Variants in KCND2 observed in about 807,000 individuals in gnomAD.
The protein encoded by KCND2 is A-type voltage-gated potassium channel KCND2.
In KCND2, 16 loss-of-function variants were observed where a neutral mutation model predicts 54.4. That is an observed-to-expected ratio of 0.29 (90% CI 0.20 to 0.45). The LOEUF (loss-of-function observed/expected upper bound fraction) is 0.45, where lower values mean the gene tolerates loss of function less well. Among genes scored for constraint, KCND2 ranks in the 20% least tolerant of loss-of-function variants. The pLI is 1.00. For synonymous variants in KCND2, 317 were observed against 310.7 expected (o/e 1.02, Z -0.21); for missense variants, 486 against 824.2 (o/e 0.59, Z 5.02).
chr7:120,608,163 G>A (rs1369174356), intron 1 of KCND2, among the ~76,000 whole-genome samples: 2 of 151,776 alleles, frequency 1.3e-5, no homozygotes, highest in Non-Finnish European at 2.9e-5. Flanking sequence ...CCAACAACAG[G>A]ATAAATGACA....
At chr7:120,348,900 G>A (rs1800362326) in intron 1 of KCND2, among the ~76,000 whole-genome samples, 1 of 152,050 alleles carries the variant, frequency 6.6e-6, no homozygotes, top group African/African-American at 2.4e-5. Context: ...TTACTCATCA[G>A]CATTTCACTG....
rs564856564 is a variant in KCND2 at position 120,376,410 on chromosome 7, T to C, written c.1115+100663T>C. Among the ~76,000 whole-genome samples, 6 of 151,566 alleles carry C rather than the reference T, an allele frequency of 4.0e-5. No homozygotes were observed. In the South Asian group the frequency reaches 1.0e-3, roughly 26 times the overall value. ...ATAAATTATTTAAAAACCTCAAATATGTTCACTTACTGGTACTTGCTATCT... is the reference window on the plus strand; with the variant it reads ...ATAAATTATTTAAAAACCTCAAATACGTTCACTTACTGGTACTTGCTATCT... On this transcript the variant is annotated intron_variant, in intron 1 of 5. Coordinates refer to ENST00000331113, the MANE Select transcript of KCND2 (RefSeq NM_012281.3).
chr7:120,411,825 G>A (rs1172501022), intron 1 of KCND2, among the ~76,000 whole-genome samples: 1 of 151,916 alleles, frequency 6.6e-6, no homozygotes, highest in African/African-American at 2.4e-5. Flanking sequence ...TATGGAAATA[G>A]TAATCAGTGC....
intron 1 of KCND2, among the ~76,000 whole-genome samples, chr7:120,669,023 GGAT>G (rs1791960749): frequency 6.6e-6 from 1 of 151,974 alleles, no homozygotes; most frequent in African/African-American, 2.4e-5. Flanking sequence ...GTGTATAAAT[GGAT>G]TGATAAAGTT....
intron 1 of KCND2, among the ~76,000 whole-genome samples, chr7:120,488,111 C>G (rs1016613911): frequency 1.1e-4 from 17 of 152,228 alleles, no homozygotes; most frequent in Middle Eastern, 3.4e-3. Flanking sequence ...AGGACAATCT[C>G]TTGAACTAGG....
intron 1 of KCND2, among the ~76,000 whole-genome samples, chr7:120,550,898 A>C (rs1285188840): frequency 1.3e-5 from 2 of 152,208 alleles, no homozygotes; most frequent in Non-Finnish European, 2.9e-5. Flanking sequence ...ACCTCATTTT[A>C]AATGATCAAA....
intron 1 of KCND2, among the ~76,000 whole-genome samples, chr7:120,342,494 T>C (rs1011094987): frequency 2.0e-5 from 3 of 152,190 alleles, no homozygotes; most frequent in Non-Finnish European, 4.4e-5. Context: ...CTGTGTGTTA[T>C]TTCAGTGACT....
At chr7:120,510,800 C>G (rs1803101972) in intron 1 of KCND2, among the ~76,000 whole-genome samples, 1 of 151,934 alleles carries the variant, frequency 6.6e-6, no homozygotes, top group African/African-American at 2.4e-5. Context: ...TCTACTTCAG[C>G]TTTTCTCCTC....
chr7:120,556,838 A>T (rs1304468905), intron 1 of KCND2, among the ~76,000 whole-genome samples: 1 of 152,212 alleles, frequency 6.6e-6, no homozygotes, highest in South Asian at 2.1e-4. Flanking sequence ...GGAATTTGTG[A>T]TGCATTAACA....
At chr7:120,677,581 A>ATG (rs1198660760) in intron 1 of KCND2, among the ~76,000 whole-genome samples, 1 of 149,628 alleles carries the variant, frequency 6.7e-6, no homozygotes, top group East Asian at 1.9e-4. Context: ...AGATATATAG[A>ATG]TATATAAAAT....
intron 1 of KCND2, among the ~76,000 whole-genome samples, chr7:120,697,930 T>A (rs1003982439): frequency 6.6e-6 from 1 of 152,126 alleles, no homozygotes; most frequent in African/African-American, 2.4e-5. Context: ...CATCACTATA[T>A]GTATTTCTTT....
chr7:120,505,969 T>C (rs1429169746), intron 1 of KCND2, among the ~76,000 whole-genome samples: 2 of 151,174 alleles, frequency 1.3e-5, no homozygotes, highest in Admixed American at 1.3e-4. Context: ...TAATTTAATG[T>C]TTTTATTATT....
chr7:120,627,048 T>C (rs1457144200), intron 1 of KCND2, among the ~76,000 whole-genome samples: 1 of 152,202 alleles, frequency 6.6e-6, no homozygotes, highest in Non-Finnish European at 1.5e-5. Flanking sequence ...CAGTATGGTG[T>C]CCATCATACA....
intron 1 of KCND2, among the ~76,000 whole-genome samples, chr7:120,516,288 C>T (rs1034182808): frequency 2.6e-5 from 4 of 152,080 alleles, no homozygotes; most frequent in South Asian, 4.1e-4. Flanking sequence ...TTACAATACA[C>T]GTATCCAAAC....
intron 1 of KCND2, among the ~76,000 whole-genome samples, chr7:120,622,755 A>G (rs1793118114): frequency 6.6e-6 from 1 of 151,454 alleles, no homozygotes; most frequent in Non-Finnish European, 1.5e-5. Context: ...GCACATGCAA[A>G]CATTTTATAC....
At chr7:120,731,519 G>A (rs897607327) in intron 1 of KCND2, among the ~76,000 whole-genome samples, 1 of 152,178 alleles carries the variant, frequency 6.6e-6, no homozygotes, top group Non-Finnish European at 1.5e-5. Context: ...ATACAGGCAG[G>A]AACTAAATGA....
intron 1 of KCND2, among the ~76,000 whole-genome samples, chr7:120,586,570 CCTTTT>C (rs144040658): frequency 0.016 from 2,505 of 152,232 alleles, 57 homozygotes; most frequent in African/African-American, 0.057. Flanking sequence ...AGTAATTCTC[CCTTTT>C]CTTTACTGTA....
At chr7:120,604,753 G>A (rs1209833109) in intron 1 of KCND2, among the ~76,000 whole-genome samples, 1 of 151,432 alleles carries the variant, frequency 6.6e-6, no homozygotes, top group African/African-American at 2.4e-5. Context: ...ACTGTGTTAA[G>A]TACAGAATGT....
chr7:120,674,126 A>G (rs1584878612), intron 1 of KCND2, among the ~76,000 whole-genome samples: 1 of 150,044 alleles, frequency 6.7e-6, no homozygotes, highest in Non-Finnish European at 1.5e-5. Flanking sequence ...CTGGTCTTGA[A>G]CTCCTCACCT....
Sources: gnomAD v4.1 joint callset for allele counts (sites outside exome capture counted in the v4.1 genomes callset) on GRCh38, gnomAD v4.1.1 for gene constraint, MANE v1.5 for transcripts, NCBI Gene and HGNC (gene_info 2026-07-23, HGNC 2026-07-21) for gene names.